ADAMTSL1: variants seen among roughly 807,000 people sequenced by gnomAD.
ADAMTSL1 encodes the protein ADAMTS-like protein 1.
A neutral mutation model predicts 201.8 loss-of-function variants in ADAMTSL1; 126 were observed. That is an observed-to-expected ratio of 0.62 (90% CI 0.54 to 0.72). The LOEUF (loss-of-function observed/expected upper bound fraction) is 0.72. Ranked by LOEUF, ADAMTSL1 falls within the 30% of genes least tolerant of loss-of-function variation. ADAMTSL1 has a pLI of 0.00. For missense variants in ADAMTSL1, 2,679 were observed against 2,277.8 expected, an observed-to-expected ratio of 1.18 and a Z score of -3.59; for synonymous variants, 1,121 against 903.4, an observed-to-expected ratio of 1.24 and a Z score of -4.32.
At chr9:18,616,689 G>GCAA (rs147368237) in intron 4 of ADAMTSL1, among the ~76,000 whole-genome samples, 1,857 of 152,216 alleles carry the variant, frequency 0.012, 43 homozygotes, top group African/African-American at 0.043. Flanking sequence ...ACCACATCTA[G>GCAA]CAACTGTACA....
chr9:18,656,500 G>A (rs1030276151), intron 7 of ADAMTSL1, among the ~76,000 whole-genome samples: 1 of 151,852 alleles, frequency 6.6e-6, no homozygotes, highest in Non-Finnish European at 1.5e-5. Context: ...ATGGTGGCAG[G>A]CGTCTGTAGT....
At chr9:18,864,872 G>A (rs928644326) in intron 23 of ADAMTSL1, among the ~76,000 whole-genome samples, 3 of 152,106 alleles carry the variant, frequency 2.0e-5, no homozygotes, top group African/African-American at 7.2e-5. Context: ...AAATAATGAG[G>A]GGAACCCCCT....
intron 25 of ADAMTSL1, among the ~76,000 whole-genome samples, chr9:18,891,397 A>G (rs1478083989): frequency 6.6e-6 from 1 of 152,082 alleles, no homozygotes; most frequent in Non-Finnish European, 1.5e-5. Flanking sequence ...TTTGTTCTAG[A>G]TTACATGAGC....
chr9:18,049,487 G>C (rs1817190370), intron 1 of ADAMTSL1, among the ~76,000 whole-genome samples: 1 of 152,122 alleles, frequency 6.6e-6, no homozygotes, highest in African/African-American at 2.4e-5. Context: ...AAAATGACTG[G>C]AGTTACACTG....
chr9:18,554,164 GT>G (rs145488963), intron 3 of ADAMTSL1, among the ~76,000 whole-genome samples: 3,441 of 145,932 alleles, frequency 0.024, 96 homozygotes, highest in African/African-American at 0.063. Flanking sequence ...TATGAGTTCT[GT>G]TTTTTTTTTA....
At chr9:18,609,413 TTAGCAGGG>T (rs11278457) in intron 4 of ADAMTSL1, among the ~76,000 whole-genome samples, 18,483 of 151,760 alleles carry the variant, frequency 0.12, 1,205 homozygotes, top group Middle Eastern at 0.19. Flanking sequence ...ATTGGCTACT[TTAGCAGGG>T]TAGAGGGAAG....
intron 1 of ADAMTSL1, among the ~76,000 whole-genome samples, chr9:18,122,156 C>T (rs1415333103): frequency 2.0e-5 from 3 of 152,120 alleles, no homozygotes; most frequent in Admixed American, 2.0e-4. Flanking sequence ...TAGTGTGGCA[C>T]AGCAATTCCT....
chr9:17,910,454 T>C (rs1825877440), intron 1 of ADAMTSL1, among the ~76,000 whole-genome samples: 1 of 68,724 alleles, frequency 1.5e-5, no homozygotes, highest in Non-Finnish European at 4.5e-5. Context: ...ACAAGCTGAT[T>C]TTTCCTAACA....
At chr9:18,532,028 C>G (rs988995684) in intron 2 of ADAMTSL1, among the ~76,000 whole-genome samples, 4 of 152,092 alleles carry the variant, frequency 2.6e-5, no homozygotes, top group African/African-American at 9.7e-5. Flanking sequence ...ATACATATAA[C>G]AAACTTATAA....
intron 3 of ADAMTSL1, among the ~76,000 whole-genome samples, chr9:18,560,609 G>A (rs1344244756): frequency 6.6e-6 from 1 of 151,576 alleles, no homozygotes; most frequent in Non-Finnish European, 1.5e-5. Flanking sequence ...TTGTACCTCT[G>A]GTAGAATTCG....
At chr9:18,200,089 A>G (rs1829373708) in intron 2 of ADAMTSL1, among the ~76,000 whole-genome samples, 1 of 152,010 alleles carries the variant, frequency 6.6e-6, no homozygotes, top group Admixed American at 6.6e-5. Flanking sequence ...CCCAAAATAA[A>G]ACAACTCAAG....
At chr9:17,977,573 T>G (rs576279544) in intron 1 of ADAMTSL1, among the ~76,000 whole-genome samples, 12 of 152,200 alleles carry the variant, frequency 7.9e-5, no homozygotes, top group African/African-American at 2.9e-4. Context: ...TTATTAAATT[T>G]GTTGGCATAT....
At chr9:18,891,552 A>C (rs1829275951) in intron 25 of ADAMTSL1, among the ~76,000 whole-genome samples, 1 of 152,250 alleles carries the variant, frequency 6.6e-6, no homozygotes, top group Non-Finnish European at 1.5e-5. Context: ...TTGTGAGAAA[A>C]GTCCATCGGT....
Position 18,777,426 on chromosome 9 carries a change from A to G in ADAMTSL1, c.3197A>G (p.His1066Arg). The change falls in exon 19 of 29, where the codon CAC (histidine) becomes CGC (arginine). Residue 1066 changes from histidine (H) to arginine (R), a missense_variant. Physicochemically the swap from His to Arg is conservative, Grantham distance 29. Transcript: ENST00000380548. ...CCGGGTGCAGAGCAAGTGCTCCTGC[A>G]CCTGCCCTTCACCATGGTGACCGAG... ...EDPGAEQVLL[H>R]LPFTMVTEQR... is the part of the protein sequence containing the mutation. The G allele has an allele frequency of 2.5e-6, 4 of 1,600,190 alleles. No homozygotes were observed. The highest frequency in any genetic ancestry group is 3.4e-6 in the Non-Finnish European group (4 of 1,173,902).
Position 18,889,678 on chromosome 9 carries a change from G to T in ADAMTSL1, c.4573G>T (p.Ala1525Ser). The T allele has an allele frequency of 3.1e-6, 5 of 1,603,556 alleles. No individual in the cohort carries two copies. Among genetic ancestry groups the T allele is most frequent in the Non-Finnish European group, 4.3e-6 (5 of 1,174,946 alleles). The change falls in exon 25 of 29, where the codon GCC (alanine) becomes TCC (serine). Residue 1525 changes from alanine to serine, a missense_variant. Physicochemically the swap from Ala to Ser is moderately conservative, Grantham distance 99 (BLOSUM62 1). Transcript: ENST00000380548. ...GCTGAACAGCACGGAGGTCAACCCTGCCCACTGCGCAGGGAAGGTTCGCCC... is the reference window on the plus strand; with the variant it reads ...GCTGAACAGCACGGAGGTCAACCCTTCCCACTGCGCAGGGAAGGTTCGCCC... Reference protein sequence around the residue: ...CLLNSTEVNPAHCAGKVRPAV... With the variant: ...CLLNSTEVNPSHCAGKVRPAV...
intron 19 of ADAMTSL1, among the ~76,000 whole-genome samples, chr9:18,788,000 G>T (rs1821801155): frequency 6.6e-6 from 1 of 152,134 alleles, no homozygotes; most frequent in Non-Finnish European, 1.5e-5. Context: ...AAGAATGTGT[G>T]GTCAGGTGGC....
rs185708872 is a variant in ADAMTSL1, at chr9:18,361,975, G to A, written c.208-142854G>A. 9 of 152,310 alleles carry A rather than the reference G, an allele frequency of 5.9e-5. No homozygotes were observed. In the East Asian group the frequency reaches 1.5e-3, roughly 26 times the overall value. 9.4% of individuals were successfully genotyped at this position (152,310 alleles called of 1,614,324 possible). ...ATACTTCTTGTGCCTAGAGGGAGCA[G>A]TTCTCTTAGGTCAAGGTTGTGTTAC... On this transcript the variant is annotated intron_variant, in intron 2 of 29. Transcript: ENST00000680146.
chr9:18,279,479 A>C (rs910225469), intron 2 of ADAMTSL1, among the ~76,000 whole-genome samples: 3 of 150,486 alleles, frequency 2.0e-5, no homozygotes, highest in African/African-American at 7.3e-5. Context: ...ATTATCTGTG[A>C]TCCTCTGACC....
At chr9:18,506,987 T>G (rs1418900000) in intron 2 of ADAMTSL1, among the ~76,000 whole-genome samples, 1 of 152,238 alleles carries the variant, frequency 6.6e-6, no homozygotes, top group Non-Finnish European at 1.5e-5. Context: ...TCTATACTTT[T>G]AAATTCTAGT....
Sources: gnomAD v4.1 joint callset for allele counts (sites outside exome capture counted in the v4.1 genomes callset) on GRCh38, gnomAD v4.1.1 for gene constraint, MANE v1.5 for transcripts, NCBI Gene and HGNC (gene_info 2026-07-23, HGNC 2026-07-21) for gene names.